Variants in LRRC8D observed in about 807,000 individuals in gnomAD.
The protein encoded by LRRC8D is volume-regulated anion channel subunit LRRC8D.
Under a neutral mutation model 55.8 loss-of-function variants are expected in LRRC8D, and 20 were observed. The ratio of observed to expected loss-of-function variants is 0.36; its 90% CI spans 0.25 to 0.52. The LOEUF (loss-of-function observed/expected upper bound fraction) is 0.52, where lower values mean the gene tolerates loss of function less well. LRRC8D is among the 20% of genes least tolerant of loss of function. The pLI is 0.93. For synonymous variants in LRRC8D, 352 were observed against 377.0 expected, an observed-to-expected ratio of 0.93 and a Z score of 0.77; for missense variants, 651 against 1,030.8, an observed-to-expected ratio of 0.63 and a Z score of 5.05.
chr1:89,862,352 G>C (rs761827745), intron 2 of LRRC8D, among the ~76,000 whole-genome samples: 3 of 152,084 alleles, frequency 2.0e-5, no homozygotes, highest in Non-Finnish European at 2.9e-5. Flanking sequence ...CTCAAAGAAG[G>C]CTATATATAC....
At chr1:89,925,049 A>G (rs925179841) in intron 2 of LRRC8D, among the ~76,000 whole-genome samples, 2 of 152,186 alleles carry the variant, frequency 1.3e-5, no homozygotes, top group Admixed American at 1.3e-4. Flanking sequence ...ACCGGGTCGC[A>G]CAGCACCAGG....
chr1:89,841,112 G>A (rs1262462252), intron 1 of LRRC8D, among the ~76,000 whole-genome samples: 3 of 152,112 alleles, frequency 2.0e-5, no homozygotes, highest in Admixed American at 6.5e-5. Context: ...CCAGGACCAC[G>A]GTAAGCAAAG....
intron 2 of LRRC8D, among the ~76,000 whole-genome samples, chr1:89,908,603 C>T (rs546640274): frequency 6.6e-6 from 1 of 152,218 alleles, no homozygotes; most frequent in Admixed American, 6.5e-5. Flanking sequence ...GAGTGAGGCC[C>T]TTCTAAGACC....
chr1:89,854,110 CAGG>C (rs1661490685), intron 2 of LRRC8D, among the ~76,000 whole-genome samples: 1 of 152,050 alleles, frequency 6.6e-6, no homozygotes, highest in African/African-American at 2.4e-5. Context: ...TCCATTGGGA[CAGG>C]AGAAGACGAG....
At chr1:89,861,637 G>C (rs1661723451) in intron 2 of LRRC8D, among the ~76,000 whole-genome samples, 1 of 152,138 alleles carries the variant, frequency 6.6e-6, no homozygotes, top group Non-Finnish European at 1.5e-5. Flanking sequence ...TTTGGACTTG[G>C]CATATGGGCA....
intron 2 of LRRC8D, among the ~76,000 whole-genome samples, chr1:89,862,287 A>C (rs1255984891): frequency 1.3e-5 from 2 of 152,124 alleles, no homozygotes; most frequent in Non-Finnish European, 2.9e-5. Flanking sequence ...ATTTTCTTAC[A>C]TCTAGTGTAC....
At chr1:89,856,108 A>G (rs546577085) in intron 2 of LRRC8D, among the ~76,000 whole-genome samples, 1 of 152,120 alleles carries the variant, frequency 6.6e-6, no homozygotes, top group African/African-American at 2.4e-5. Context: ...GATGAGTGTG[A>G]ACATACTACA....
rs766753973 is a variant in LRRC8D at position 89,901,406 on chromosome 1, T to C, written c.-2-31661T>C. On this transcript the variant is annotated intron_variant, in intron 2 of 2. Coordinates refer to ENST00000337338, the MANE Select transcript of LRRC8D (RefSeq NM_001134479.2). The stretch of plus-strand genomic sequence containing the variant: ...AAAGGAAAAGATTGGGTTTAGATTG[T>C]TTCTGAAGTTCTCTCTAGATTTAAC... 2.6e-5 allele frequency among the ~76,000 whole-genome samples: 4 copies of C among 152,238 alleles called. No homozygotes were observed. In the East Asian group the frequency reaches 7.7e-4, roughly 29 times the overall value.
In LRRC8D at chr1:89,935,788, A is replaced by G; in HGVS notation, c.*143A>G. On this transcript the variant is annotated 3_prime_UTR_variant, in exon 3 of 3. Transcript: ENST00000337338. ...CAGAGAGGATGCATAGAAGGCTGAT[A>G]GAAGACATAACTGAATGTTCAATGT... 3.0e-6 allele frequency: 2 copies of G among 675,470 alleles called. No individual in the cohort carries two copies. The highest frequency in any genetic ancestry group is 2.5e-6 in the Non-Finnish European group (1 of 399,786). The allele number at this position is 675,470 out of a possible 1,614,324, so 41.8% of individuals were successfully genotyped here.
chr1:89,872,529 G>C (rs1228743329), intron 2 of LRRC8D, among the ~76,000 whole-genome samples: 1 of 152,206 alleles, frequency 6.6e-6, no homozygotes, highest in Non-Finnish European at 1.5e-5. Context: ...CACATCTGTG[G>C]TCCATTCTGC....
chr1:89,913,078 C>T (rs926643868), intron 2 of LRRC8D, among the ~76,000 whole-genome samples: 4 of 152,236 alleles, frequency 2.6e-5, no homozygotes, highest in African/African-American at 9.6e-5. Flanking sequence ...CTGCTGTCCC[C>T]ATTTCTAGCC....
chr1:89,847,959 G>C (rs17130901), intron 2 of LRRC8D, among the ~76,000 whole-genome samples: 2,963 of 152,240 alleles, frequency 0.019, 103 homozygotes, highest in African/African-American at 0.068. Context: ...TACAGGTTGG[G>C]AATTGAGGCC....
At chr1:89,914,717 ATTTATACAC>A (rs1663217237) in intron 2 of LRRC8D, among the ~76,000 whole-genome samples, 2 of 132,026 alleles carry the variant, frequency 1.5e-5, no homozygotes, top group African/African-American at 2.9e-5. Context: ...TTTTTTTTGC[ATTTATACAC>A]TTTATTGTCT....
intron 2 of LRRC8D, among the ~76,000 whole-genome samples, chr1:89,928,115 G>A (rs950948582): frequency 3.9e-5 from 6 of 152,168 alleles, no homozygotes; most frequent in African/African-American, 1.4e-4. Flanking sequence ...TGTTTCCCAG[G>A]CTGGAGTGCC....
At chr1:89,877,658 C>T (rs1570849146) in intron 2 of LRRC8D, among the ~76,000 whole-genome samples, 1 of 152,258 alleles carries the variant, frequency 6.6e-6, no homozygotes, top group Non-Finnish European at 1.5e-5. Context: ...ATTTAGGGAC[C>T]AGCGGTGGTT....
intron 2 of LRRC8D, among the ~76,000 whole-genome samples, chr1:89,871,076 C>G (rs1056155455): frequency 1.3e-5 from 2 of 152,130 alleles, no homozygotes; most frequent in Admixed American, 6.5e-5. Context: ...GTGTTTCATT[C>G]ATGTCTCAGG....
chr1:89,875,207 A>AT (rs968340834), intron 2 of LRRC8D, among the ~76,000 whole-genome samples: 1 of 152,078 alleles, frequency 6.6e-6, no homozygotes, highest in South Asian at 2.1e-4. Flanking sequence ...TTGCTGTTGG[A>AT]TTTTTTTTAA....
intron 2 of LRRC8D, among the ~76,000 whole-genome samples, chr1:89,863,095 T>TATC (rs1305061669): frequency 3.3e-5 from 5 of 152,226 alleles, no homozygotes; most frequent in African/African-American, 1.2e-4. Context: ...CAGATAGCTG[T>TATC]ATCCCCTCAC....
At chr1:89,853,580 C>T (rs1661477524) in intron 2 of LRRC8D, among the ~76,000 whole-genome samples, 1 of 152,146 alleles carries the variant, frequency 6.6e-6, no homozygotes, top group East Asian at 1.9e-4. Flanking sequence ...ACAACAATCT[C>T]CTGTGAAATA....
Sources: gnomAD v4.1 joint callset for allele counts (sites outside exome capture counted in the v4.1 genomes callset) on GRCh38, gnomAD v4.1.1 for gene constraint, MANE v1.5 for transcripts, NCBI Gene and HGNC (gene_info 2026-07-23, HGNC 2026-07-21) for gene names.